Variants in ARHGAP39 observed in about 807,000 individuals in gnomAD.
ARHGAP39 encodes Rho GTPase activating protein 39.
In ARHGAP39, 44 loss-of-function variants were observed where a neutral mutation model predicts 106.9. The ratio of observed to expected loss-of-function variants is 0.41; its 90% confidence interval spans 0.32 to 0.53. The LOEUF is 0.53. Among genes scored for constraint, ARHGAP39 ranks in the 20% least tolerant of loss-of-function variants. The pLI, the probability that ARHGAP39 is intolerant of heterozygous loss-of-function variation, is 0.21. For missense variants in ARHGAP39, 1,496 were observed against 1,577.3 expected (o/e 0.95, Z 0.87); for synonymous variants, 768 against 693.2 (o/e 1.11, Z -1.69).
Position 144,534,215 on chromosome 8 carries a change from G to C in ARHGAP39, c.2615-13C>G. 1 of 1,613,476 alleles carries C rather than the reference G, an allele frequency of 6.2e-7. No individual in the cohort carries two copies. The highest frequency in any genetic ancestry group is 1.1e-5 in the South Asian group (1 of 91,078). ...CTTATCGCCACCCCTGGAAAGGAAAGGGGCCTGATCAGCCTGATGTGGGTG... is the reference window on the plus strand; with the variant it reads ...CTTATCGCCACCCCTGGAAAGGAAACGGGCCTGATCAGCCTGATGTGGGTG... On this transcript the variant is annotated splice_polypyrimidine_tract_variant and intron_variant, in intron 7 of 11. Coordinates refer to ENST00000377307, the MANE Select transcript of ARHGAP39 (RefSeq NM_025251.3).
chr8:144,541,600 CG>C (rs1164063371), intron 6 of ARHGAP39, among the ~76,000 whole-genome samples: 2 of 152,092 alleles, frequency 1.3e-5, no homozygotes, highest in Non-Finnish European at 2.9e-5. Context: ...TAGGGCCTCA[CG>C]GAGGGAGAAT....
In ARHGAP39 at chr8:144,668,883, G is replaced by T. The variant is rs1419313979; in HGVS notation, c.-82+16803C>A. On this transcript the variant is annotated intron_variant, in intron 1 of 11. Transcript: ENST00000377307. Reference sequence around the variant, plus strand: ...GGATAGCCAAAACAATCTTGAAAAAGAACAAAATGGGATACACCTTCTGAC... The same window carrying T: ...GGATAGCCAAAACAATCTTGAAAAATAACAAAATGGGATACACCTTCTGAC... Among the ~76,000 whole-genome samples the T allele has an allele frequency of 3.3e-5, 5 of 152,094 alleles. No homozygotes were observed. The East Asian group carries it at 9.6e-4, about 29-fold the overall frequency.
At chr8:144,635,656 T>A (rs1821154750) in intron 1 of ARHGAP39, among the ~76,000 whole-genome samples, 2 of 152,146 alleles carry the variant, frequency 1.3e-5, no homozygotes, top group Admixed American at 6.5e-5. Context: ...GTGGGGGTGG[T>A]CTTGGGGAGC....
At chr8:144,581,480 C>T (rs1818989418) in intron 2 of ARHGAP39, among the ~76,000 whole-genome samples, 1 of 152,262 alleles carries the variant, frequency 6.6e-6, no homozygotes, top group African/African-American at 2.4e-5. Flanking sequence ...GCCAGCGCCT[C>T]AGGGTGGTGC....
At chr8:144,654,509 C>A (rs1821648461) in intron 1 of ARHGAP39, among the ~76,000 whole-genome samples, 1 of 152,114 alleles carries the variant, frequency 6.6e-6, no homozygotes, top group Non-Finnish European at 1.5e-5. Flanking sequence ...GTCAAAAAAA[C>A]TTTTTCCAAA....
intron 4 of ARHGAP39, among the ~76,000 whole-genome samples, chr8:144,553,208 C>T (rs1203977070): frequency 6.6e-6 from 1 of 152,192 alleles, no homozygotes; most frequent in African/African-American, 2.4e-5. Context: ...GCACTCCACC[C>T]CAGGAGATGT....
chr8:144,590,392 C>G (rs1819346266), intron 2 of ARHGAP39, among the ~76,000 whole-genome samples: 1 of 152,222 alleles, frequency 6.6e-6, no homozygotes, highest in South Asian at 2.1e-4. Context: ...GCAGACCCCT[C>G]ATGGCTCAGT....
At chr8:144,638,489 C>T (rs1821232434) in intron 1 of ARHGAP39, among the ~76,000 whole-genome samples, 3 of 152,198 alleles carry the variant, frequency 2.0e-5, no homozygotes, top group African/African-American at 7.2e-5. Context: ...TCAAATGTAT[C>T]TTAAACTTTT....
chr8:144,539,218 C>T (rs1431869481), intron 6 of ARHGAP39, among the ~76,000 whole-genome samples: 4 of 152,196 alleles, frequency 2.6e-5, no homozygotes, highest in African/African-American at 9.7e-5. Flanking sequence ...TGCACGCTAA[C>T]TCCTGTTCAC....
chr8:144,658,149 G>C (rs973092167), intron 1 of ARHGAP39, among the ~76,000 whole-genome samples: 82 of 152,028 alleles, frequency 5.4e-4, no homozygotes, highest in African/African-American at 1.8e-3. Flanking sequence ...TGCTCTTTTT[G>C]CCCAGGCTGG....
rs758000654 is a variant in ARHGAP39 at position 144,547,694 on chromosome 8, C to A, written c.1392G>T (p.Pro464=). The change falls in exon 5 of 12, where the codon CCG becomes CCT. Residue 464 remains proline, a synonymous_variant. Transcript: ENST00000377307. The surrounding 1 kb of genome is among the most constrained non-coding windows in gnomAD (Gnocchi z 5.2). ...PELRHSQPPT[P]LPQAQEDAMS... ...TGGCATCCTCCTGGGCCTGTGGCAGCGGCGTGGGCGGCTGGCTGTGCCGCA... is the reference window on the plus strand; with the variant it reads ...TGGCATCCTCCTGGGCCTGTGGCAGAGGCGTGGGCGGCTGGCTGTGCCGCA... 1.9e-6 allele frequency: 3 copies of A among 1,581,350 alleles called. No individual in the cohort carries two copies. Among genetic ancestry groups the A allele is most frequent in the Non-Finnish European group, 2.6e-6 (3 of 1,169,668 alleles).
intron 2 of ARHGAP39, among the ~76,000 whole-genome samples, chr8:144,592,609 G>C (rs904316735): frequency 2.1e-5 from 3 of 142,482 alleles, no homozygotes; most frequent in Non-Finnish European, 4.6e-5. Flanking sequence ...CGGGAAACCT[G>C]AGGGCACCTC....
chr8:144,575,199 C>G (rs1388606523), intron 3 of ARHGAP39, among the ~76,000 whole-genome samples: 1 of 152,178 alleles, frequency 6.6e-6, no homozygotes. Flanking sequence ...CCGTGCGTGT[C>G]GGTGAGTGAG....
At chr8:144,541,240 T>C (rs1453607162) in intron 6 of ARHGAP39, among the ~76,000 whole-genome samples, 1 of 152,216 alleles carries the variant, frequency 6.6e-6, no homozygotes, top group Non-Finnish European at 1.5e-5. Flanking sequence ...TTTGTGAGCT[T>C]CTAAGGGTTT....
rs1821421335 is a variant in ARHGAP39, at chr8:144,645,586, G to A, written c.-81-39891C>T. Among the ~76,000 whole-genome samples the A allele has an allele frequency of 6.6e-6, 1 of 152,220 alleles. No individual in the cohort carries two copies. Among genetic ancestry groups the A allele is most frequent in the African/African-American group, 2.4e-5 (1 of 41,448 alleles). The stretch of plus-strand genomic sequence containing the variant: ...GGGCAGGGCCTCCCTGCCTCACTCT[G>A]GTCTCTCCCGGCACAGAGTCCCATG... On this transcript the variant is annotated intron_variant, in intron 1 of 11. Transcript: ENST00000377307. The surrounding 1 kb of genome is among the most constrained non-coding windows in gnomAD (Gnocchi z 4.4).
intron 7 of ARHGAP39, among the ~76,000 whole-genome samples, chr8:144,535,059 G>A (rs543952460): frequency 3.3e-5 from 5 of 152,352 alleles, no homozygotes; most frequent in Non-Finnish European, 7.3e-5. Context: ...CAGATGGACA[G>A]GACCCTGTGC....
intron 1 of ARHGAP39, among the ~76,000 whole-genome samples, chr8:144,616,153 G>C (rs1820630113): frequency 6.6e-6 from 1 of 152,238 alleles, no homozygotes; most frequent in South Asian, 2.1e-4. Flanking sequence ...CCTGGGGCTG[G>C]CATTACACCT....
intron 6 of ARHGAP39, among the ~76,000 whole-genome samples, chr8:144,544,882 G>A (rs918788939): frequency 1.3e-5 from 2 of 152,274 alleles, no homozygotes; most frequent in African/African-American, 2.4e-5. Context: ...GATGGCAGAA[G>A]GCAAGTGCGG....
chr8:144,660,059 C>A (rs577147256), intron 1 of ARHGAP39, among the ~76,000 whole-genome samples: 1 of 152,186 alleles, frequency 6.6e-6, no homozygotes, highest in Admixed American at 6.5e-5. Flanking sequence ...TTCCCAACCA[C>A]CACATGCACT....
Sources: allele counts gnomAD v4.1 joint callset (sites outside exome capture counted in the v4.1 genomes callset), GRCh38; gene constraint gnomAD v4.1.1; non-coding constraint Gnocchi (gnomAD v3.1); transcripts MANE v1.5; gene names NCBI Gene and HGNC (gene_info 2026-07-23, HGNC 2026-07-21).